ABCA5: variants seen among roughly 807,000 people sequenced by gnomAD.
ABCA5 encodes the protein cholesterol transporter ABCA5.
Under a neutral mutation model 206.0 loss-of-function variants are expected in ABCA5, and 163 were observed. The ratio of observed to expected loss-of-function variants is 0.79; its 90% confidence interval spans 0.70 to 0.90. ABCA5 has a LOEUF of 0.90. Among genes scored for constraint, ABCA5 ranks in the 40% least tolerant of loss-of-function variants. ABCA5 has a pLI of 0.00. For synonymous variants in ABCA5, 609 were observed against 613.8 expected, an observed-to-expected ratio of 0.99 and a Z score of 0.11; for missense variants, 1,859 against 1,912.9, an observed-to-expected ratio of 0.97 and a Z score of 0.53.
At chr17:69,295,657 T>C (rs2075577060) in intron 10 of ABCA5, among the ~76,000 whole-genome samples, 1 of 152,220 alleles carries the variant, frequency 6.6e-6, no homozygotes, top group South Asian at 2.1e-4. Context: ...TGTAGGTCTG[T>C]CAATATTGTG....
chr17:69,266,994 C>G (rs971243792), intron 23 of ABCA5, among the ~76,000 whole-genome samples: 2 of 151,922 alleles, frequency 1.3e-5, no homozygotes, highest in Non-Finnish European at 2.9e-5. Context: ...CCTGCCTCAC[C>G]CTCCTGAGTA....
At chr17:69,315,864 T>C (rs1365815389) in intron 1 of ABCA5, among the ~76,000 whole-genome samples, 3 of 151,374 alleles carry the variant, frequency 2.0e-5, no homozygotes, top group East Asian at 1.9e-4. Context: ...TTTGAAATTA[T>C]CTGATAAAAC....
At chr17:69,299,102 A>C (rs1598191785) in intron 9 of ABCA5, among the ~76,000 whole-genome samples, 2 of 152,232 alleles carry the variant, frequency 1.3e-5, no homozygotes, top group East Asian at 3.8e-4. Flanking sequence ...TTCAGATCAA[A>C]ACCACAATGT....
In ABCA5 at chr17:69,291,310, T is replaced by C. The variant is rs772755834; in HGVS notation, c.1512A>G (p.Ile504Met). ...VEALRNLSFD[I>M]YEGQITALLG... ...GTAAGGCAGTAATCTGACCCTCATA[T>C]ATGTCAAATGACAAATCTAGTTCAG... The change falls in exon 12 of 39, where the codon ATA (isoleucine) becomes ATG (methionine). Residue 504 changes from isoleucine (I) to methionine (M), a missense_variant. Coordinates refer to ENST00000392676, the MANE Select transcript of ABCA5 (RefSeq NM_172232.4). 3.0e-5 allele frequency: 48 copies of C among 1,605,426 alleles called. 1 individual carries two copies. The South Asian group carries it at 4.0e-4, about 13-fold the overall frequency.
chr17:69,281,337 A>C (rs925974000), intron 18 of ABCA5, among the ~76,000 whole-genome samples: 6 of 151,916 alleles, frequency 3.9e-5, no homozygotes. Context: ...GTAGTGGTTC[A>C]GTATATTAGT....
chr17:69,285,882 T>G lies in ABCA5; in HGVS notation c.2272+16A>C, dbSNP rs757966075. The G allele has an allele frequency of 1.9e-6, 3 of 1,605,344 alleles. No homozygotes were observed. The Admixed American group carries it at 5.1e-5, about 27-fold the overall frequency. Reference sequence around the variant, plus strand: ...GATCCCAGTTCAAACACCAAGAGACTTAAAGTAAGTAATACCTGAAAATTT... The same window carrying G: ...GATCCCAGTTCAAACACCAAGAGACGTAAAGTAAGTAATACCTGAAAATTT... On this transcript the variant is annotated intron_variant, in intron 17 of 38. Coordinates refer to ENST00000392676, the MANE Select transcript of ABCA5 (RefSeq NM_172232.4).
chr17:69,287,841 C>G, intron 14 of ABCA5, 90 bp from the exon 15 acceptor site: 2 of 1,202,192 alleles, frequency 1.7e-6, no homozygotes, highest in Non-Finnish European at 1.1e-6. Context: ...TGCCCCATTT[C>G]AAATTATTAT....
At chr17:69,252,960 TA>T (rs1359662731) in intron 34 of ABCA5, among the ~76,000 whole-genome samples, 2 of 152,170 alleles carry the variant, frequency 1.3e-5, no homozygotes, top group Non-Finnish European at 2.9e-5. Context: ...AATACTTTTA[TA>T]ATGTATCTTT....
chr17:69,269,958 AT>A (rs1282335826), intron 22 of ABCA5, among the ~76,000 whole-genome samples: 2 of 151,766 alleles, frequency 1.3e-5, no homozygotes, highest in African/African-American at 2.4e-5. Flanking sequence ...TATAAGGGTT[AT>A]TTTTTTTGGA....
rs138581601 is a variant in ABCA5, at chr17:69,258,597, G to A, written c.3731+1109C>T. Among the ~76,000 whole-genome samples the A allele has an allele frequency of 4.1e-3, 625 of 152,098 alleles. 8 individuals are homozygous for A. Among genetic ancestry groups the A allele is most frequent in the African/African-American group, 0.014 (587 of 41,492 alleles). ...TGAAAAACTACCTATTAGGTACAAC[G>A]TTCACCATTTGGGTAATGTTACAAT... On this transcript the variant is annotated intron_variant, in intron 28 of 38. Transcript: ENST00000392676.
rs542428058 is a variant in ABCA5, at chr17:69,246,613, T to G, written c.*924A>C. On this transcript the variant is annotated 3_prime_UTR_variant, in exon 39 of 39. Coordinates refer to ENST00000392676, the MANE Select transcript of ABCA5 (RefSeq NM_172232.4). ...ACACACTGATCTACTTACAATTTTA[T>G]AGAAGAGATTCACTAAAGTTTACCA... The G allele has an allele frequency of 6.6e-6, 1 of 151,928 alleles. No homozygotes were observed. Among genetic ancestry groups the G allele is most frequent in the South Asian group, 2.1e-4 (1 of 4,830 alleles). The allele number at this position is 151,928 out of a possible 1,614,324, so 9.4% of individuals were successfully genotyped here.
Position 69,249,994 on chromosome 17 carries a change from A to G in ABCA5, c.4686-10T>C, listed in dbSNP as rs1375219234. The stretch of plus-strand genomic sequence containing the variant: ...CAAAATAGAAGAAAAACTGGAAAAA[A>G]AGATAAAATATGGAAAAAAATTAAA... On this transcript the variant is annotated splice_polypyrimidine_tract_variant and intron_variant, in intron 36 of 38. Transcript: ENST00000392676. 1 of 1,452,964 alleles carries G rather than the reference A, an allele frequency of 6.9e-7. No homozygotes were observed. Among genetic ancestry groups the G allele is most frequent in the East Asian group, 2.4e-5 (1 of 42,156 alleles). 90.0% of individuals were successfully genotyped at this position (1,452,964 alleles called of 1,614,324 possible). A position where few individuals can be genotyped will look rare whatever the true frequency, so the allele number is the denominator to read the frequency against.
At position 69,253,579 on chromosome 17, in the gene ABCA5, T is replaced by G. The variant is rs778126578; in HGVS notation, c.4409A>C (p.His1470Pro). 6.2e-7 allele frequency: 1 copy of G among 1,611,260 alleles called. No individual in the cohort carries two copies. Among genetic ancestry groups the G allele is most frequent in the Non-Finnish European group, 8.5e-7 (1 of 1,177,468 alleles). ...STGMDPKAKQHMWRAIRTAFK... is the reference protein window; with the variant it reads ...STGMDPKAKQPMWRAIRTAFK... The stretch of plus-strand genomic sequence containing the variant: ...TCACAAGTACCATACTCACCACATG[T>G]GCTGTTTGGCTTTGGGATCCATACC... Residue 1470 changes from histidine to proline, a missense_variant, in exon 34 of 39, where the codon CAC becomes CCC. His to Pro is a moderately conservative substitution (Grantham distance 77, BLOSUM62 -2). Coordinates refer to ENST00000392676, the MANE Select transcript of ABCA5 (RefSeq NM_172232.4).
rs750280986 is a variant in ABCA5, at chr17:69,248,270, A to T, written c.4813T>A (p.Leu1605Met). The T allele has an allele frequency of 1.9e-6, 3 of 1,554,324 alleles. No homozygotes were observed. Among genetic ancestry groups the T allele is most frequent in the Non-Finnish European group, 2.6e-6 (3 of 1,136,686 alleles). ...IEEYSFSQATLEQVFVELTKE... is the reference protein window; with the variant it reads ...IEEYSFSQATMEQVFVELTKE... Reference sequence around the variant, plus strand: ...ATTTAACTTTATAGTACCTGTTCCAATGTTGCTTGAGAAAAGCTATATTCT... The same window carrying T: ...ATTTAACTTTATAGTACCTGTTCCATTGTTGCTTGAGAAAAGCTATATTCT... Residue 1605 changes from leucine (L) to methionine (M), a missense_variant, in exon 38 of 39, where the codon TTG becomes ATG. By Grantham distance (15) the Leu-to-Met change is conservative (BLOSUM62 2). Coordinates refer to ENST00000392676, the MANE Select transcript of ABCA5 (RefSeq NM_172232.4).
At position 69,292,109 on chromosome 17, in the gene ABCA5, A is replaced by T. The variant is rs567004597; in HGVS notation, c.1496-783T>A. On this transcript the variant is annotated intron_variant, in intron 11 of 38. Transcript: ENST00000392676. ...GGGGGACAGAGCAAGACCCTGTCTCAAAAACAAACAAACAACAACAAAAAC... is the reference window on the plus strand; with the variant it reads ...GGGGGACAGAGCAAGACCCTGTCTCTAAAACAAACAAACAACAACAAAAAC... Among the ~76,000 whole-genome samples, 12 of 152,222 alleles carry T rather than the reference A, an allele frequency of 7.9e-5. 1 individual carries two copies. The highest frequency in any genetic ancestry group is 2.6e-4 in the African/African-American group (11 of 41,538).
Position 69,277,640 on chromosome 17 carries a change from CA to C in ABCA5, c.2594del (p.Val865GlyfsTer6), listed in dbSNP as rs1452345421. The stretch of plus-strand genomic sequence containing the variant: ...GGTATAAGGGTGATAATTATACTTA[CA>C]CTGATCTCACTGATTTACTTTCACG... ...LKRESKSVRS[V>X]LLLLLIFFTV... On this transcript the variant is annotated frameshift_variant and splice_region_variant, in exon 19 of 39. Coordinates refer to ENST00000392676, the MANE Select transcript of ABCA5 (RefSeq NM_172232.4). LOFTEE classifies it high-confidence loss of function. 2 of 1,606,554 alleles carry C rather than the reference CA, an allele frequency of 1.2e-6. No homozygotes were observed. Among genetic ancestry groups the C allele is most frequent in the Admixed American group, 1.7e-5 (1 of 58,706 alleles).
intron 1 of ABCA5, chr17:69,318,760 A>G: frequency 1.5e-6 from 1 of 664,042 alleles, no homozygotes; most frequent in Non-Finnish European, 2.8e-6. Context: ...TCCCGAGTTG[A>G]AAAAATTGAT....
At chr17:69,248,378 C>T (rs2074976527) in intron 37 of ABCA5, 61 bp from the exon 38 acceptor site, 2 of 949,632 alleles carry the variant, frequency 2.1e-6, no homozygotes, top group African/African-American at 3.4e-5. Flanking sequence ...GCAATACCTA[C>T]CAAAGTGGCT....
chr17:69,249,648 C>T, intron 37 of ABCA5: 1 of 419,254 alleles, frequency 2.4e-6, no homozygotes, highest in Admixed American at 4.2e-5. Context: ...AGTTTATCTA[C>T]AAAATCCCTA....
Sources: gnomAD v4.1 joint callset for allele counts (sites outside exome capture counted in the v4.1 genomes callset) on GRCh38, gnomAD v4.1.1 for gene constraint, MANE v1.5 for transcripts, NCBI Gene and HGNC (gene_info 2026-07-23, HGNC 2026-07-21) for gene names.